The following ARAP3 variants were observed in gnomAD, a reference collection of about 807,000 sequenced individuals.
ARAP3 encodes the protein ArfGAP with RhoGAP domain, ankyrin repeat and PH domain 3.
Under a neutral mutation model 169.2 loss-of-function variants are expected in ARAP3, and 82 were observed. The ratio of observed to expected loss-of-function variants is 0.48; its 90% CI spans 0.41 to 0.58. The LOEUF is 0.58. ARAP3 is among the 20% of genes least tolerant of loss of function. The pLI, the probability that ARAP3 is intolerant of heterozygous loss-of-function variation, is 0.00. For synonymous variants in ARAP3, 791 were observed against 800.3 expected, an observed-to-expected ratio of 0.99 and a Z score of 0.20; for missense variants, 1,764 against 2,018.0, an observed-to-expected ratio of 0.87 and a Z score of 2.41.
rs200762467 is a variant in ARAP3, at chr5:141,666,441, C to T, written c.2555G>A (p.Arg852Gln). Residue 852 changes from arginine (R) to glutamine (Q), a missense_variant, in exon 17 of 33, where the codon CGG becomes CAG. Around this residue, in one of 3 missense-constraint regions of ARAP3, gnomAD observed 1,112 missense variants for 1,285.7 expected, o/e 0.86. Transcript: ENST00000239440. ...CCGCTTACTGATCTCCTGTAGCCGC[C>T]GCAGATGCACCATGTCCTCAGGGGC... ...PPAPEDMVHL[R>Q]RLQEISVVSA... 19 of 1,586,666 alleles carry T rather than the reference C, an allele frequency of 1.2e-5. No homozygotes were observed. Among genetic ancestry groups the T allele is most frequent in the Non-Finnish European group, 1.7e-6 (2 of 1,166,268 alleles).
chr5:141,667,201 G>A (rs984318907), intron 16 of ARAP3, among the ~76,000 whole-genome samples: 6 of 151,968 alleles, frequency 3.9e-5, no homozygotes, highest in African/African-American at 1.5e-4. Flanking sequence ...AGCCAAAAAG[G>A]CATACTCATT....
rs200759771 is a variant in ARAP3, at chr5:141,671,325, C to T, written c.1930G>A (p.Gly644Ser). The T allele has an allele frequency of 2.6e-4, 427 of 1,613,618 alleles. No homozygotes were observed. The highest frequency in any genetic ancestry group is 3.0e-4 in the Non-Finnish European group (358 of 1,179,866). ...GCTGGGGGGAACCAGGGCTCCTCGC[C>T]TTCAAAGGCCTCAACACAGAGGAGC... ...TQLLCVEAFE[G>S]EEPWFPPAPD... Residue 644 changes from glycine (G) to serine (S), a missense_variant, in exon 13 of 33, where the codon GGC becomes AGC. This residue lies in a region of ARAP3 where 1,112 missense variants were observed against 1,285.7 expected (regional missense o/e 0.86). Coordinates refer to ENST00000239440, the MANE Select transcript of ARAP3 (RefSeq NM_022481.6). The surrounding 1 kb of genome is among the most constrained non-coding windows in gnomAD (Gnocchi z 4.9).
chr5:141,659,857 C>A lies in ARAP3; in HGVS notation c.3189G>T (p.Val1063=). 6.2e-7 allele frequency: 1 copy of A among 1,603,456 alleles called. No individual in the cohort carries two copies. Among genetic ancestry groups the A allele is most frequent in the Admixed American group, 1.7e-5 (1 of 57,770 alleles). ...RNLALLFAPS[V]FQTDGRGEHE... ...GCTCCCCTCGCCCATCCGTCTGGAA[C>A]ACGCTGGGTGCAAACAGCAGAGCCA... The change falls in exon 22 of 33, where the codon GTG becomes GTT. Residue 1063 remains valine (V), a synonymous_variant. Transcript: ENST00000239440.
rs1227804229 is a variant in ARAP3 at position 141,671,283 on chromosome 5, G to A, written c.1972C>T (p.Pro658Ser). The A allele has an allele frequency of 3.1e-6, 5 of 1,611,432 alleles. No homozygotes were observed. The highest frequency in any genetic ancestry group is 4.2e-6 in the Non-Finnish European group (5 of 1,178,704). ...WFPPAPDGSC[P>S]GLLPSDPSPG... ...GAATGACCTGAGGGCAAGAGGCCAG[G>A]GCAGCTGCCATCAGGGGCTGGGGGG... The change falls in exon 13 of 33, where the codon CCT becomes TCT. Residue 658 changes from proline (P) to serine (S), a missense_variant. Physicochemically the swap from Pro to Ser is moderately conservative, Grantham distance 74. Coordinates refer to ENST00000239440, the MANE Select transcript of ARAP3 (RefSeq NM_022481.6). This position sits in a 1 kb window ranked among gnomAD's most constrained non-coding sequence, Gnocchi z 4.9.
rs753491734 is a variant in ARAP3, at chr5:141,666,378, C to T, written c.2572+46G>A. 5.6e-6 allele frequency: 8 copies of T among 1,427,960 alleles called. No homozygotes were observed. The South Asian group carries it at 7.6e-5, about 14-fold the overall frequency. 88.5% of individuals were successfully genotyped at this position (1,427,960 alleles called of 1,614,324 possible). A position where few individuals can be genotyped will look rare whatever the true frequency, so the allele number is the denominator to read the frequency against. The stretch of plus-strand genomic sequence containing the variant: ...TAATAAAGGTCTGCTTCCATGCACC[C>T]GCATGGCCACCCTTCATCCCTGTCC... On this transcript the variant is annotated intron_variant, in intron 17 of 32. Transcript: ENST00000239440.
intron 14 of ARAP3, 150 bp from the exon 15 acceptor site, chr5:141,670,213 G>T: frequency 8.4e-7 from 1 of 1,185,122 alleles, no homozygotes; most frequent in Non-Finnish European, 1.2e-6. Context: ...GTTATACTCA[G>T]TCCTGTTTTG....
chr5:141,668,064 A>AT (rs998359774), intron 16 of ARAP3, among the ~76,000 whole-genome samples: 4 of 151,972 alleles, frequency 2.6e-5, no homozygotes, highest in African/African-American at 9.7e-5. Context: ...AATAATAATA[A>AT]TAAAAATGAG....
intron 16 of ARAP3, 73 bp downstream of exon 16, chr5:141,669,634 TAA>T (rs1478395072): frequency 1.4e-6 from 2 of 1,382,570 alleles, no homozygotes; most frequent in African/African-American, 2.9e-5. Flanking sequence ...GCTGTAGGAA[TAA>T]GAGAGGAGAA....
chr5:141,669,282 A>G (rs578017937), intron 16 of ARAP3, among the ~76,000 whole-genome samples: 1 of 152,236 alleles, frequency 6.6e-6, no homozygotes, highest in Non-Finnish European at 1.5e-5. Flanking sequence ...GGGAAATATG[A>G]AGGTAGCTTT....
intron 21 of ARAP3, among the ~76,000 whole-genome samples, chr5:141,661,269 G>A (rs2099909933): frequency 6.6e-6 from 1 of 151,874 alleles, no homozygotes. Context: ...TCACCATGTT[G>A]GCCAGGCTAG....
chr5:141,669,805 G>C lies in ARAP3; in HGVS notation c.2256C>G (p.Pro752=), dbSNP rs779973211. The part of the protein sequence containing the change: ...PPPTDPGDRF[P]FSFELILAGG... Reference sequence around the variant, plus strand: ...CAGCGAGGATGAGCTCAAAGGAAAAGGGGAACCTGGAGAGAAGATGAGGTC... The same window carrying C: ...CAGCGAGGATGAGCTCAAAGGAAAACGGGAACCTGGAGAGAAGATGAGGTC... Residue 752 remains proline (P), a synonymous_variant, in exon 16 of 33, where the codon CCC becomes CCG. Coordinates refer to ENST00000239440, the MANE Select transcript of ARAP3 (RefSeq NM_022481.6). The C allele has an allele frequency of 6.2e-7, 1 of 1,613,942 alleles. No homozygotes were observed. The highest frequency in any genetic ancestry group is 8.5e-7 in the Non-Finnish European group (1 of 1,179,840).
At position 141,672,829 on chromosome 5, in the gene ARAP3, C is replaced by A. The variant is rs373215839; in HGVS notation, c.1190G>T (p.Arg397Leu). The A allele has an allele frequency of 2.8e-6, 2 of 715,016 alleles. No homozygotes were observed. Among genetic ancestry groups the A allele is most frequent in the East Asian group, 5.2e-5 (1 of 19,236 alleles). The allele number at this position is 715,016 out of a possible 1,614,324, so 44.3% of individuals were successfully genotyped here. A position where few individuals can be genotyped will look rare whatever the true frequency, so the allele number is the denominator to read the frequency against. The change falls in exon 8 of 33, where the codon CGC (arginine) becomes CTC (leucine). Residue 397 changes from arginine (R) to leucine (L), a missense_variant. Physicochemically the swap from Arg to Leu is moderately radical, Grantham distance 102. Coordinates refer to ENST00000239440, the MANE Select transcript of ARAP3 (RefSeq NM_022481.6). The surrounding 1 kb of genome is among the most constrained non-coding windows in gnomAD (Gnocchi z 4.9). ...PRPPQPPRPL[R>L]TGMLELRGHK... ...TCCACGCAGCTCCAGCATGCCCGTG[C>A]GGAGGGGTCGGGGTGGTTGGGGGGG...
rs139433211 is a variant in ARAP3 at position 141,680,003 on chromosome 5, C to G, written c.484G>C (p.Gly162Arg). ...VEMMPNSIYF[G>R]LDSRGRAQAA... is the part of the protein sequence containing the mutation. ...TGTGCCCTGCCTCTTGAGTCCAGGCCGAAGTAGATGGAATTAGGCATCATC... is the reference window on the plus strand; with the variant it reads ...TGTGCCCTGCCTCTTGAGTCCAGGCGGAAGTAGATGGAATTAGGCATCATC... Residue 162 changes from glycine (G) to arginine (R), a missense_variant, in exon 2 of 33, where the codon GGC becomes CGC. Gly to Arg is a moderately radical substitution (Grantham distance 125). Around this residue, in one of 3 missense-constraint regions of ARAP3, gnomAD observed 630 missense variants for 678.7 expected, o/e 0.93. Transcript: ENST00000239440. 7 of 1,614,010 alleles carry G rather than the reference C, an allele frequency of 4.3e-6. No individual in the cohort carries two copies. Among genetic ancestry groups the G allele is most frequent in the Non-Finnish European group, 5.9e-6 (7 of 1,180,034 alleles).
intron 4 of ARAP3, 103 bp from the exon 5 acceptor site, chr5:141,673,911 C>T (rs2099911788): frequency 2.1e-6 from 2 of 965,396 alleles, no homozygotes; most frequent in Non-Finnish European, 3.0e-6. Context: ...AATAGAATGC[C>T]TGGCAGGTAC....
At chr5:141,663,485 C>T (rs2099910240) in intron 19 of ARAP3, among the ~76,000 whole-genome samples, 1 of 152,176 alleles carries the variant, frequency 6.6e-6, no homozygotes, top group African/African-American at 2.4e-5. Flanking sequence ...AACAGGGTTT[C>T]ACCATGTTGG....
chr5:141,680,329 CCT>C lies in ARAP3; in HGVS notation c.156_157del (p.Gly53AlafsTer24). The C allele has an allele frequency of 6.2e-7, 1 of 1,614,252 alleles. No homozygotes were observed. Among genetic ancestry groups the C allele is most frequent in the Non-Finnish European group, 8.5e-7 (1 of 1,180,044 alleles). On this transcript the variant is annotated frameshift_variant, in exon 2 of 33. Coordinates refer to ENST00000239440, the MANE Select transcript of ARAP3 (RefSeq NM_022481.6). LOFTEE classifies it high-confidence loss of function. ...CAGGCGTAGAATGCGTTTCCGGTGCCCTGTGGCGCTGATGCCCAACTGCTTCA... is the reference window on the plus strand; with the variant it reads ...CAGGCGTAGAATGCGTTTCCGGTGCCGTGGCGCTGATGCCCAACTGCTTCA...
chr5:141,680,269 G>T lies in ARAP3; in HGVS notation c.218C>A (p.Pro73His). 1 of 1,614,196 alleles carries T rather than the reference G, an allele frequency of 6.2e-7. No individual in the cohort carries two copies. Residue 73 changes from proline to histidine, a missense_variant, in exon 2 of 33, where the codon CCC (proline) becomes CAC (histidine). Around this residue, in one of 3 missense-constraint regions of ARAP3, gnomAD observed 630 missense variants for 678.7 expected, o/e 0.93. Coordinates refer to ENST00000239440, the MANE Select transcript of ARAP3 (RefSeq NM_022481.6). ...TGGTTCCATGGCACTATCTGATTTG[G>T]GATCCAGGGAGCCCTCTTCGGTGCC... is the stretch of plus-strand genomic sequence containing the variant. ...QTGTEEGSLD[P>H]KSDSAMEPSP...
intron 4 of ARAP3, among the ~76,000 whole-genome samples, chr5:141,674,780 C>T (rs994435321): frequency 6.6e-6 from 1 of 152,164 alleles, no homozygotes; most frequent in African/African-American, 2.4e-5. Context: ...TTGTCCAAAA[C>T]GTTCTTGACC....
At position 141,654,347 on chromosome 5, in the gene ARAP3, GCCCCTA is replaced by G; in HGVS notation, c.4232_4237del (p.Val1411_Gly1412del). The G allele has an allele frequency of 1.2e-6, 2 of 1,614,058 alleles. No homozygotes were observed. The highest frequency in any genetic ancestry group is 1.7e-6 in the Non-Finnish European group (2 of 1,179,988). ...AGTGTCCTGGATCAACTCAGGGAAG[GCCCCTA>G]CTTCCTCATACACTGGCTCCTCGTA... On this transcript the variant is annotated inframe_deletion, in exon 33 of 33. Transcript: ENST00000239440.
Sources: allele counts gnomAD v4.1 joint callset (sites outside exome capture counted in the v4.1 genomes callset), GRCh38; gene constraint gnomAD v4.1.1; regional missense constraint gnomAD v4.1.1; non-coding constraint Gnocchi (gnomAD v3.1); transcripts MANE v1.5; gene names NCBI Gene and HGNC (gene_info 2026-07-23, HGNC 2026-07-21).